Variants in LRRC7 observed in about 807,000 individuals in gnomAD.
LRRC7 encodes the protein leucine-rich repeat-containing protein 7.
Under a neutral mutation model 175.7 loss-of-function variants are expected in LRRC7, and 23 were observed. That is an observed-to-expected ratio of 0.13 (90% confidence interval 0.09 to 0.19). The LOEUF is 0.19. LRRC7 is among the 10% of genes least tolerant of loss of function. LRRC7 has a pLI of 1.00. For synonymous variants in LRRC7, 685 were observed against 680.9 expected (o/e 1.01, Z -0.09); for missense variants, 1,354 against 1,904.7 (o/e 0.71, Z 5.38).
intron 8 of LRRC7, among the ~76,000 whole-genome samples, chr1:69,940,711 A>G (rs968234869): frequency 4.6e-5 from 7 of 152,126 alleles, no homozygotes; most frequent in South Asian, 2.1e-4. Context: ...ATACCTATTC[A>G]CAGCTCGAAA....
intron 2 of LRRC7, among the ~76,000 whole-genome samples, chr1:69,714,987 T>A (rs1665183864): frequency 6.6e-6 from 1 of 152,214 alleles, no homozygotes; most frequent in Non-Finnish European, 1.5e-5. Flanking sequence ...ATCTTCAGCA[T>A]TTTATGTGCT....
At chr1:69,761,643 C>G (rs947328431) in intron 3 of LRRC7, among the ~76,000 whole-genome samples, 2 of 151,824 alleles carry the variant, frequency 1.3e-5, no homozygotes, top group Non-Finnish European at 1.5e-5. Flanking sequence ...ATATTATTGA[C>G]TACATGGATT....
At chr1:69,598,724 A>G (rs947783279) in intron 1 of LRRC7, among the ~76,000 whole-genome samples, 1 of 152,210 alleles carries the variant, frequency 6.6e-6, no homozygotes, top group Non-Finnish European at 1.5e-5. Context: ...AAATTTAACC[A>G]TCACACATTC....
chr1:69,637,067 C>T (rs1482771156), intron 1 of LRRC7, among the ~76,000 whole-genome samples: 3 of 120,562 alleles, frequency 2.5e-5, no homozygotes, highest in African/African-American at 8.0e-5. Context: ...CCTTCGCCTT[C>T]ACCCTTCTCT....
intron 26 of LRRC7, 142 bp downstream of exon 26, chr1:70,107,968 AAAG>A: frequency 1.4e-6 from 1 of 729,606 alleles, no homozygotes; most frequent in Non-Finnish European, 2.3e-6. Flanking sequence ...TTTGGGGCTG[AAAG>A]TCAAGTCAAA....
intron 3 of LRRC7, among the ~76,000 whole-genome samples, chr1:69,785,254 A>C (rs1008910642): frequency 4.6e-5 from 7 of 152,126 alleles, no homozygotes; most frequent in African/African-American, 1.7e-4. Context: ...ATTGTTATAC[A>C]TTCCTGGTAA....
intron 3 of LRRC7, among the ~76,000 whole-genome samples, chr1:69,785,572 C>A (rs561076731): frequency 1.1e-4 from 17 of 151,942 alleles, no homozygotes; most frequent in Non-Finnish European, 2.2e-4. Flanking sequence ...AGTCTTTTTT[C>A]ATTATATTTA....
In LRRC7 at chr1:69,568,574, G is replaced by C; in HGVS notation, c.-66G>C. The stretch of plus-strand genomic sequence containing the variant: ...CACTGCGGACCCCTGAACACTTAAG[G>C]AATAACCCTTGGCAGCTGCACGACT... On this transcript the variant is annotated 5_prime_UTR_variant, in exon 1 of 27. Coordinates refer to ENST00000651989, the MANE Select transcript of LRRC7 (RefSeq NM_001370785.2). 1 of 1,338,814 alleles carries C rather than the reference G, an allele frequency of 7.5e-7. No homozygotes were observed. The highest frequency in any genetic ancestry group is 9.9e-7 in the Non-Finnish European group (1 of 1,009,284). The allele number at this position is 1,338,814 out of a possible 1,614,324, so 82.9% of individuals were successfully genotyped here.
intron 7 of LRRC7, among the ~76,000 whole-genome samples, chr1:69,862,100 C>T (rs2101537247): frequency 6.6e-6 from 1 of 152,266 alleles, no homozygotes; most frequent in Non-Finnish European, 1.5e-5. Flanking sequence ...TGGTCATTAG[C>T]ACACCACCTT....
At chr1:69,806,573 G>C (rs1177642144) in intron 4 of LRRC7, among the ~76,000 whole-genome samples, 1 of 151,830 alleles carries the variant, frequency 6.6e-6, no homozygotes, top group Non-Finnish European at 1.5e-5. Flanking sequence ...TTTCCCTTCT[G>C]AAATCTCCCT....
At chr1:69,920,645 G>T (rs1006625136) in intron 7 of LRRC7, among the ~76,000 whole-genome samples, 6 of 152,102 alleles carry the variant, frequency 3.9e-5, no homozygotes, top group Non-Finnish European at 7.3e-5. Context: ...TGGGACATCA[G>T]TGAGAACTAC....
intron 7 of LRRC7, among the ~76,000 whole-genome samples, chr1:69,915,855 T>A (rs1376112362): frequency 1.3e-5 from 2 of 150,952 alleles, no homozygotes; most frequent in African/African-American, 4.9e-5. Context: ...ACTATTTTAA[T>A]CATAACAGTA....
At chr1:69,911,641 A>G (rs929855550) in intron 7 of LRRC7, among the ~76,000 whole-genome samples, 1 of 152,208 alleles carries the variant, frequency 6.6e-6, no homozygotes, top group Non-Finnish European at 1.5e-5. Flanking sequence ...TCATAAGTTC[A>G]TGTCCTAGTT....
At chr1:70,062,556 A>T (rs1479240675) in intron 23 of LRRC7, among the ~76,000 whole-genome samples, 1 of 152,088 alleles carries the variant, frequency 6.6e-6, no homozygotes, top group Non-Finnish European at 1.5e-5. Context: ...GAGATGGTAT[A>T]TACATATGTA....
At chr1:69,694,838 G>A (rs1020029285) in intron 2 of LRRC7, among the ~76,000 whole-genome samples, 2 of 151,820 alleles carry the variant, frequency 1.3e-5, no homozygotes, top group Non-Finnish European at 2.9e-5. Flanking sequence ...CTCACTAGAA[G>A]CAGATGCTGG....
At chr1:69,685,800 A>G (rs561379046) in intron 2 of LRRC7, among the ~76,000 whole-genome samples, 1 of 152,202 alleles carries the variant, frequency 6.6e-6, no homozygotes, top group East Asian at 1.9e-4. Flanking sequence ...TGGGACAGAA[A>G]AAGTATTTGA....
chr1:69,609,436 G>A (rs1036356553), intron 1 of LRRC7, among the ~76,000 whole-genome samples: 1 of 151,620 alleles, frequency 6.6e-6, no homozygotes, highest in African/African-American at 2.4e-5. Context: ...TATATACATA[G>A]AGAGAGGAAA....
intron 4 of LRRC7, among the ~76,000 whole-genome samples, chr1:69,802,699 A>G (rs975976515): frequency 1.8e-4 from 27 of 151,320 alleles, no homozygotes; most frequent in African/African-American, 6.3e-4. Context: ...TTAAAGGAAC[A>G]TTTGATTCAT....
intron 8 of LRRC7, among the ~76,000 whole-genome samples, chr1:69,956,679 C>T (rs1026680430): frequency 6.6e-5 from 10 of 150,988 alleles, no homozygotes; most frequent in Non-Finnish European, 3.0e-5. Context: ...AAGTATAAAA[C>T]TGAAGAATAA....
Sources: gnomAD v4.1 joint callset for allele counts (sites outside exome capture counted in the v4.1 genomes callset) on GRCh38, gnomAD v4.1.1 for gene constraint, MANE v1.5 for transcripts, NCBI Gene and HGNC (gene_info 2026-07-23, HGNC 2026-07-21) for gene names.